The following ACAP2 variants were observed in gnomAD, a reference collection of about 807,000 sequenced individuals.
ACAP2 encodes arf-GAP with coiled-coil, ANK repeat and PH domain-containing protein 2.
A neutral mutation model predicts 115.8 loss-of-function variants in ACAP2; 39 were observed. The observed-to-expected ratio is 0.34, with a 90% CI of 0.26 to 0.44. The LOEUF is 0.44. ACAP2 is among the 20% of genes least tolerant of loss of function. ACAP2 has a pLI of 1.00. For missense variants in ACAP2, 662 were observed against 927.6 expected (o/e 0.71, Z 3.72); for synonymous variants, 289 against 315.8 (o/e 0.92, Z 0.90).
intron 21 of ACAP2, among the ~76,000 whole-genome samples, chr3:195,286,804 T>C (rs896630873): frequency 6.6e-5 from 10 of 152,246 alleles, no homozygotes; most frequent in African/African-American, 2.2e-4. Context: ...TTTAGACGAT[T>C]TGAAAACAGA....
chr3:195,388,221 T>A (rs747466690), intron 2 of ACAP2, among the ~76,000 whole-genome samples: 16 of 152,158 alleles, frequency 1.1e-4, no homozygotes, highest in Non-Finnish European at 1.5e-4. Flanking sequence ...TCAGAGTACA[T>A]GCAAGAAACA....
intron 4 of ACAP2, among the ~76,000 whole-genome samples, chr3:195,352,106 T>G (rs576588244): frequency 2.0e-5 from 3 of 152,324 alleles, no homozygotes; most frequent in Non-Finnish European, 4.4e-5. Context: ...GGTGGTCCCA[T>G]AAAATTATAG....
In ACAP2 at chr3:195,442,899, C is replaced by A. The variant is rs756301789; in HGVS notation, c.-52G>T. ...GGCAAAGCCGAGGGGGCCGCGGGAG[C>A]GGCCGCGCTGGGACGCAGACGGCTA... On this transcript the variant is annotated 5_prime_UTR_variant, in exon 1 of 23. Transcript: ENST00000326793. 6 of 1,477,874 alleles carry A rather than the reference C, an allele frequency of 4.1e-6. No homozygotes were observed. The East Asian group carries it at 1.1e-4, about 28-fold the overall frequency. 91.5% of individuals were successfully genotyped at this position (1,477,874 alleles called of 1,614,324 possible).
intron 11 of ACAP2, among the ~76,000 whole-genome samples, chr3:195,307,773 C>T (rs1728513820): frequency 6.6e-6 from 1 of 152,244 alleles, no homozygotes; most frequent in Admixed American, 6.5e-5. Context: ...GATTTTATCA[C>T]TTTCTACTGT....
At chr3:195,292,639 G>T (rs112818784) in intron 18 of ACAP2, among the ~76,000 whole-genome samples, 187 bp from the exon 19 acceptor site, 5 of 152,180 alleles carry the variant, frequency 3.3e-5, no homozygotes, top group African/African-American at 1.2e-4. Context: ...TGGTTAAGAT[G>T]GGCCAGGCAC....
intron 1 of ACAP2, among the ~76,000 whole-genome samples, chr3:195,402,529 C>A (rs76472859): frequency 1.3e-5 from 2 of 152,148 alleles, no homozygotes; most frequent in Admixed American, 1.3e-4. Context: ...CAATATTATA[C>A]ATATAACTTT....
At position 195,342,573 on chromosome 3, in the gene ACAP2, G is replaced by C. The variant is rs141814202; in HGVS notation, c.426C>G (p.Ala142=). The C allele has an allele frequency of 1.4e-4, 226 of 1,612,298 alleles. 2 individuals carry two copies. The African/African-American group carries it at 2.6e-3, about 19-fold the overall frequency. Residue 142 remains alanine (A), a synonymous_variant, in exon 6 of 23, where the codon GCC becomes GCG. Transcript: ENST00000326793. ...CATGTTGTTTGTTTCTTTGTACTTG[G>C]GCATTTTTTACTAACGCATTTTCTT... The part of the protein sequence containing the change: ...EEKENALVKN[A]QVQRNKQHEV...
intron 4 of ACAP2, among the ~76,000 whole-genome samples, chr3:195,372,819 AAAAT>A (rs941291112): frequency 6.6e-6 from 1 of 152,024 alleles, no homozygotes; most frequent in Non-Finnish European, 1.5e-5. Context: ...GTCTCAAAAC[AAAAT>A]AAATAAACTC....
intron 22 of ACAP2, chr3:195,282,248 A>G (rs1044468794): frequency 5.9e-5 from 9 of 152,218 alleles, no homozygotes; most frequent in African/African-American, 1.9e-4. Flanking sequence ...GAACCATTGT[A>G]CCATGCAAAA....
At chr3:195,401,100 C>T (rs1432794924) in intron 1 of ACAP2, among the ~76,000 whole-genome samples, 2 of 152,114 alleles carry the variant, frequency 1.3e-5, no homozygotes, top group East Asian at 1.9e-4. Context: ...TATGGCTGTT[C>T]CCCATTATCC....
At chr3:195,416,887 A>C (rs1713775329) in intron 1 of ACAP2, among the ~76,000 whole-genome samples, 1 of 151,882 alleles carries the variant, frequency 6.6e-6, no homozygotes, top group African/African-American at 2.4e-5. Context: ...TGTAAAAACC[A>C]ATTTGCCTTC....
At chr3:195,328,930 A>G (rs772359203) in intron 8 of ACAP2, among the ~76,000 whole-genome samples, 3 of 152,060 alleles carry the variant, frequency 2.0e-5, no homozygotes, top group Non-Finnish European at 2.9e-5. Flanking sequence ...ATACAAAACA[A>G]TTAGCCGGGC....
intron 1 of ACAP2, among the ~76,000 whole-genome samples, chr3:195,402,361 C>T (rs931305186): frequency 6.6e-5 from 10 of 151,938 alleles, no homozygotes; most frequent in African/African-American, 2.4e-4. Context: ...TGTGCCCTCT[C>T]CAGCCTTATA....
chr3:195,340,569 A>G (rs1038457519), intron 6 of ACAP2, among the ~76,000 whole-genome samples: 1 of 152,222 alleles, frequency 6.6e-6, no homozygotes, highest in Non-Finnish European at 1.5e-5. Flanking sequence ...GAAGCCCAAG[A>G]CAGAAATGGA....
At chr3:195,358,871 C>T (rs921111480) in intron 4 of ACAP2, among the ~76,000 whole-genome samples, 4 of 152,000 alleles carry the variant, frequency 2.6e-5, no homozygotes, top group Non-Finnish European at 5.9e-5. Context: ...GTAGATTTAA[C>T]CCATTATTAG....
chr3:195,291,183 A>G (rs1048900299), intron 20 of ACAP2, among the ~76,000 whole-genome samples: 4 of 152,190 alleles, frequency 2.6e-5, no homozygotes, highest in African/African-American at 7.2e-5. Context: ...CTAATAATAG[A>G]AAGTCCATTT....
chr3:195,285,775 G>A (rs1315877562), intron 22 of ACAP2, 21 bp downstream of exon 22: 3 of 1,580,608 alleles, frequency 1.9e-6, no homozygotes, highest in African/African-American at 1.4e-5. Context: ...ATTTCAGTAT[G>A]GTTATTAGTA....
intron 12 of ACAP2, 31 bp from the exon 13 acceptor site, chr3:195,306,647 A>C (rs769092068): frequency 3.9e-6 from 6 of 1,545,008 alleles, no homozygotes; most frequent in Non-Finnish European, 5.3e-6. Flanking sequence ...GTTTTCTCAG[A>C]CACTAAGTTA....
intron 1 of ACAP2, among the ~76,000 whole-genome samples, chr3:195,425,466 A>G (rs1290663064): frequency 2.6e-5 from 4 of 152,234 alleles, no homozygotes; most frequent in Non-Finnish European, 5.9e-5. Context: ...TTGCCTATCT[A>G]CTGTGTGCAA....
Sources: gnomAD v4.1 joint callset for allele counts (sites outside exome capture counted in the v4.1 genomes callset) on GRCh38, gnomAD v4.1.1 for gene constraint, MANE v1.5 for transcripts, NCBI Gene and HGNC (gene_info 2026-07-23, HGNC 2026-07-21) for gene names.